The following DIAPH3 variants were observed in gnomAD, a reference collection of about 807,000 sequenced individuals.
DIAPH3 encodes the protein protein diaphanous homolog 3.
A neutral mutation model predicts 144.3 loss-of-function variants in DIAPH3; 117 were observed. The observed-to-expected ratio is 0.81, with a 90% confidence interval of 0.70 to 0.95. The LOEUF is 0.95. Among genes scored for constraint, DIAPH3 ranks in the 40% least tolerant of loss-of-function variants. The pLI is 0.00. For missense variants in DIAPH3, 1,421 were observed against 1,412.7 expected (o/e 1.01, Z -0.09); for synonymous variants, 519 against 488.9 (o/e 1.06, Z -0.81).
At chr13:59,871,411 T>C (rs2044270653) in intron 21 of DIAPH3, among the ~76,000 whole-genome samples, 1 of 152,168 alleles carries the variant, frequency 6.6e-6, no homozygotes, top group Non-Finnish European at 1.5e-5. Flanking sequence ...TACCATTAAG[T>C]ATGATGCTAG....
intron 4 of DIAPH3, among the ~76,000 whole-genome samples, chr13:60,074,407 C>T (rs1417268502): frequency 1.3e-5 from 2 of 152,194 alleles, no homozygotes; most frequent in African/African-American, 4.8e-5. Context: ...GTTTACATCT[C>T]ACCACTCCAG....
intron 20 of DIAPH3, among the ~76,000 whole-genome samples, chr13:59,886,830 C>T (rs1330838366): frequency 6.6e-6 from 1 of 151,780 alleles, no homozygotes; most frequent in Non-Finnish European, 1.5e-5. Flanking sequence ...TTCACATAGA[C>T]AATTAGGTCA....
intron 4 of DIAPH3, among the ~76,000 whole-genome samples, chr13:60,085,784 T>C (rs1239031308): frequency 1.3e-5 from 2 of 152,168 alleles, no homozygotes; most frequent in Non-Finnish European, 2.9e-5. Context: ...GTCACATGCC[T>C]CTTGTGGCAC....
intron 1 of DIAPH3, 44 bp from the exon 2 acceptor site, chr13:60,133,033 C>T (rs1463182296): frequency 7.0e-7 from 1 of 1,427,016 alleles, no homozygotes; most frequent in Non-Finnish European, 9.8e-7. Context: ...TTTATAACAG[C>T]TTCTTTATTT....
chr13:59,916,131 T>C (rs1271916820), intron 19 of DIAPH3, 24 bp downstream of exon 19: 2 of 1,587,812 alleles, frequency 1.3e-6, no homozygotes, highest in Non-Finnish European at 1.7e-6. Flanking sequence ...AATATTGAAA[T>C]TTAAGCTGTG....
chr13:59,731,874 A>G (rs1426873380), intron 27 of DIAPH3, among the ~76,000 whole-genome samples: 7 of 152,156 alleles, frequency 4.6e-5, no homozygotes, highest in Non-Finnish European at 1.5e-5. Context: ...GAATTTGAAG[A>G]TTTTTAACAT....
At chr13:59,742,293 A>G (rs1366121900) in intron 27 of DIAPH3, among the ~76,000 whole-genome samples, 1 of 152,176 alleles carries the variant, frequency 6.6e-6, no homozygotes, top group Non-Finnish European at 1.5e-5. Context: ...GTTTTACATG[A>G]CAGGTGAAAC....
chr13:59,780,780 T>C (rs1349158410), intron 25 of DIAPH3, among the ~76,000 whole-genome samples: 1 of 152,140 alleles, frequency 6.6e-6, no homozygotes, highest in African/African-American at 2.4e-5. Context: ...ATTATTGATT[T>C]TGATGGGGAA....
Position 59,666,777 on chromosome 13 carries a change from G to C in DIAPH3, c.3389C>G (p.Thr1130Ser), listed in dbSNP as rs753227453. 3.7e-6 allele frequency: 6 copies of C among 1,614,124 alleles called. No homozygotes were observed. The South Asian group carries it at 5.5e-5, about 15-fold the overall frequency. ...HYNINCNSTR[T>S]PVAKELNYNL... ...ATAATTAAGCTCCTTGGCGACTGGA[G>C]TCCTTGTTGAGTTGCAATTGATATT... Residue 1130 changes from threonine to serine, a missense_variant, in exon 28 of 28, where the codon ACT becomes AGT. Physicochemically the swap from Thr to Ser is moderately conservative, Grantham distance 58. Transcript: ENST00000400324.
At chr13:59,844,320 C>T (rs1403028909) in intron 22 of DIAPH3, among the ~76,000 whole-genome samples, 5 of 151,630 alleles carry the variant, frequency 3.3e-5, no homozygotes, top group East Asian at 3.9e-4. Flanking sequence ...CTAGCTAACA[C>T]GGGGAAACCC....
intron 17 of DIAPH3, among the ~76,000 whole-genome samples, chr13:59,942,222 CT>C (rs2048572449): frequency 6.6e-6 from 1 of 152,090 alleles, no homozygotes; most frequent in Non-Finnish European, 1.5e-5. Flanking sequence ...AAATATATTG[CT>C]TTCTGAATGG....
At position 59,961,937 on chromosome 13, in the gene DIAPH3, T is replaced by A. The variant is rs1304991656; in HGVS notation, c.2074+8007A>T. On this transcript the variant is annotated intron_variant, in intron 17 of 27. Coordinates refer to ENST00000400324, the MANE Select transcript of DIAPH3 (RefSeq NM_001042517.2). The stretch of plus-strand genomic sequence containing the variant: ...AATGAGTTTCATATTTTGTCCAGAT[T>A]TGACCTAAGTATACTTTTATTAATA... Among the ~76,000 whole-genome samples the A allele has an allele frequency of 3.3e-5, 5 of 152,210 alleles. No individual in the cohort carries two copies. In the East Asian group the frequency reaches 9.6e-4, roughly 29 times the overall value.
rs2031990989 is a variant in DIAPH3 at position 59,666,068 on chromosome 13, G to A, written c.*516C>T. 6.5e-6 allele frequency: 1 copy of A among 154,380 alleles called. No individual in the cohort carries two copies. The highest frequency in any genetic ancestry group is 1.4e-5 in the Non-Finnish European group (1 of 69,788). The allele number at this position is 154,380 out of a possible 1,614,324, so 9.6% of individuals were successfully genotyped here. A position where few individuals can be genotyped will look rare whatever the true frequency, so the allele number is the denominator to read the frequency against. The stretch of plus-strand genomic sequence containing the variant: ...ATTTCCTTACATATATAGCTCTGAT[G>A]TATTCAATTACATGTTTTTGATGTT... On this transcript the variant is annotated 3_prime_UTR_variant, in exon 28 of 28. Coordinates refer to ENST00000400324, the MANE Select transcript of DIAPH3 (RefSeq NM_001042517.2).
At chr13:59,744,958 C>T (rs991010783) in intron 27 of DIAPH3, among the ~76,000 whole-genome samples, 5 of 152,132 alleles carry the variant, frequency 3.3e-5, no homozygotes, top group Admixed American at 2.0e-4. Context: ...CTCACCCTGG[C>T]CTCACCCCTT....
chr13:59,863,356 A>C (rs551733449), intron 21 of DIAPH3, among the ~76,000 whole-genome samples: 3 of 152,180 alleles, frequency 2.0e-5, no homozygotes, highest in Non-Finnish European at 4.4e-5. Flanking sequence ...AATTGGGCAC[A>C]GTACTACTTA....
At chr13:59,800,570 C>A (rs1228592109) in intron 25 of DIAPH3, among the ~76,000 whole-genome samples, 2 of 152,146 alleles carry the variant, frequency 1.3e-5, no homozygotes, top group Non-Finnish European at 2.9e-5. Flanking sequence ...ATTTTATGCT[C>A]AATCTCGGCA....
chr13:59,961,923 T>C (rs1449145314), intron 17 of DIAPH3, among the ~76,000 whole-genome samples: 2 of 152,212 alleles, frequency 1.3e-5, no homozygotes, highest in Non-Finnish European at 2.9e-5. Context: ...ATGAGTTTCA[T>C]ATTTTGTCCA....
chr13:59,692,137 CTTTTTTTTTTTTTT>C (rs56205887), intron 27 of DIAPH3, among the ~76,000 whole-genome samples: 5 of 58,176 alleles, frequency 8.6e-5, no homozygotes, highest in South Asian at 8.0e-4. Context: ...TTGAGAAATT[CTTTTTTTTTTTTTT>C]TTTTTTTTTT....
chr13:60,099,599 T>C (rs1031261463), intron 3 of DIAPH3, among the ~76,000 whole-genome samples: 1 of 152,214 alleles, frequency 6.6e-6, no homozygotes, highest in Non-Finnish European at 1.5e-5. Context: ...GAATGCATGT[T>C]GCTTTCACCA....
Sources: allele counts gnomAD v4.1 joint callset (sites outside exome capture counted in the v4.1 genomes callset), GRCh38; gene constraint gnomAD v4.1.1; transcripts MANE v1.5; gene names NCBI Gene and HGNC (gene_info 2026-07-23, HGNC 2026-07-21).